The following GPHN variants were observed in gnomAD, a reference collection of about 807,000 sequenced individuals.
GPHN encodes the protein gephyrin.
In GPHN, 17 loss-of-function variants were observed where a neutral mutation model predicts 95.5. The ratio of observed to expected loss-of-function variants is 0.18; its 90% CI spans 0.12 to 0.27. The LOEUF (loss-of-function observed/expected upper bound fraction) is 0.27. GPHN is among the 10% of genes least tolerant of loss of function. The pLI is 1.00. For missense variants in GPHN, 660 were observed against 978.1 expected (o/e 0.67, Z 4.34); for synonymous variants, 320 against 322.5 (o/e 0.99, Z 0.08).
the GPHN span, among the ~76,000 whole-genome samples, chr14:67,623,628 G>A: frequency 7.7e-6 from 1 of 130,234 alleles, no homozygotes; most frequent in Non-Finnish European, 1.5e-5. Flanking sequence ...TGCAACCTCC[G>A]CCTCCCGGGT....
At chr14:67,418,643 G>A in the GPHN span, among the ~76,000 whole-genome samples, 14 of 152,330 alleles carry the variant, frequency 9.2e-5, no homozygotes, top group East Asian at 2.7e-3. Flanking sequence ...ATGTGAGTGC[G>A]AAGTCAGCCT....
chr14:66,901,813 A>G (rs902409604), intron 5 of GPHN, among the ~76,000 whole-genome samples: 6 of 151,922 alleles, frequency 3.9e-5, no homozygotes, highest in Non-Finnish European at 8.8e-5. Flanking sequence ...ATGTGATGTG[A>G]TACCTCCAGC....
At chr14:67,165,101 A>G in intron 19 of GPHN, 61 bp from the exon 20 acceptor site, 1 of 1,084,736 alleles carries the variant, frequency 9.2e-7, no homozygotes, top group Non-Finnish European at 1.4e-6. Flanking sequence ...ACACTGGAGT[A>G]CTTAATGTAT....
chr14:66,985,556 C>A, intron 9 of GPHN: 1 of 600,874 alleles, frequency 1.7e-6, no homozygotes, highest in Non-Finnish European at 2.9e-6. Context: ...AACTCCTTGG[C>A]CTCCTAAGAG....
At chr14:67,203,724 T>G in the GPHN span, among the ~76,000 whole-genome samples, 1 of 152,232 alleles carries the variant, frequency 6.6e-6, no homozygotes, top group African/African-American at 2.4e-5. Context: ...TGACGTGTTT[T>G]GTTTTTGAGA....
At chr14:67,161,913 C>G (rs1323631023) in intron 19 of GPHN, among the ~76,000 whole-genome samples, 1 of 151,912 alleles carries the variant, frequency 6.6e-6, no homozygotes. Context: ...TGTTATTTAC[C>G]ACTCACTTCA....
rs139102941 is a variant in GPHN, at chr14:67,097,674, T to A, written c.1238-3182T>A. 3.0e-3 allele frequency among the ~76,000 whole-genome samples: 453 copies of A among 152,314 alleles called. 3 individuals are homozygous for A. The highest frequency in any genetic ancestry group is 0.01 in the African/African-American group (435 of 41,582). ...CAGTGTAGCTCAGGTACTTTAATTA[T>A]ATACTCTCATAAAATCATGTTTCTT... On this transcript the variant is annotated intron_variant, in intron 12 of 22. Coordinates refer to ENST00000478722, the MANE Select transcript of GPHN (RefSeq NM_020806.5).
At chr14:66,827,885 C>T (rs1273302088) in intron 4 of GPHN, among the ~76,000 whole-genome samples, 1 of 151,870 alleles carries the variant, frequency 6.6e-6, no homozygotes, top group Non-Finnish European at 1.5e-5. Flanking sequence ...TGTCTGTTTC[C>T]ATGGCATTGT....
At chr14:66,697,933 G>T (rs1004062923) in intron 2 of GPHN, among the ~76,000 whole-genome samples, 3 of 151,958 alleles carry the variant, frequency 2.0e-5, no homozygotes, top group Non-Finnish European at 4.4e-5. Flanking sequence ...GGGCATAAGA[G>T]ATCCTCCTGC....
intron 4 of GPHN, among the ~76,000 whole-genome samples, chr14:66,843,308 A>G (rs573827250): frequency 1.3e-5 from 2 of 152,192 alleles, no homozygotes; most frequent in African/African-American, 2.4e-5. Context: ...CCCCTATACT[A>G]TGGCCTAACA....
At chr14:67,615,976 GA>G in the GPHN span, 1 of 329,616 alleles carries the variant, frequency 3.0e-6, no homozygotes, top group Non-Finnish European at 5.8e-6. Context: ...TGAGCTAAAG[GA>G]AAGTCTGATG....
intron 3 of GPHN, among the ~76,000 whole-genome samples, chr14:66,780,878 A>G (rs573916988): frequency 1.2e-4 from 18 of 152,318 alleles, no homozygotes; most frequent in Admixed American, 2.0e-4. Flanking sequence ...TATCTGAGTA[A>G]TCTTAAATTG....
chr14:66,682,520 G>T (rs895606532), intron 2 of GPHN, among the ~76,000 whole-genome samples: 8 of 152,166 alleles, frequency 5.3e-5, no homozygotes, highest in Non-Finnish European at 1.2e-4. Flanking sequence ...GGGAGGCTGA[G>T]GTGGGTAGAT....
chr14:66,760,604 G>T, intron 2 of GPHN: 1 of 392,204 alleles, frequency 2.5e-6, no homozygotes. Flanking sequence ...CATCCACAAT[G>T]ATTGCAAGGT....
intron 2 of GPHN, among the ~76,000 whole-genome samples, chr14:66,768,130 T>G (rs2059031238): frequency 6.6e-6 from 1 of 151,932 alleles, no homozygotes; most frequent in Non-Finnish European, 1.5e-5. Context: ...CTGGGAATTT[T>G]TAAGTTACTA....
At chr14:67,474,041 C>T in the GPHN span, 1 of 1,314,954 alleles carries the variant, frequency 7.6e-7, no homozygotes, top group Middle Eastern at 2.7e-4. Flanking sequence ...CACTTGAGGT[C>T]AGGAGTTCCA....
chr14:67,284,076 A>G, the GPHN span, among the ~76,000 whole-genome samples: 1 of 152,220 alleles, frequency 6.6e-6, no homozygotes, highest in Non-Finnish European at 1.5e-5. Context: ...TGAGGACCAA[A>G]TGAAAAAAGC....
At chr14:67,168,267 G>A (rs570395234) in intron 20 of GPHN, among the ~76,000 whole-genome samples, 2 of 152,002 alleles carry the variant, frequency 1.3e-5, no homozygotes, top group African/African-American at 4.8e-5. Flanking sequence ...TTTTTATAAG[G>A]GCACCAGTCC....
chr14:67,176,948 C>T (rs1425246145), intron 21 of GPHN, among the ~76,000 whole-genome samples: 1 of 152,104 alleles, frequency 6.6e-6, no homozygotes, highest in African/African-American at 2.4e-5. Context: ...TTTATTGCAT[C>T]TGTTTGATTC....
Sources: allele counts gnomAD v4.1 joint callset (sites outside exome capture counted in the v4.1 genomes callset), GRCh38; gene constraint gnomAD v4.1.1; transcripts MANE v1.5; gene names NCBI Gene and HGNC (gene_info 2026-07-23, HGNC 2026-07-21).